The following TGFA variants were observed in gnomAD, a reference collection of about 807,000 sequenced individuals.
The protein encoded by TGFA is transforming growth factor alpha.
In TGFA, 12 loss-of-function variants were observed where a neutral mutation model predicts 21.7. That is an observed-to-expected ratio of 0.55 (90% CI 0.35 to 0.90). The LOEUF is 0.90. TGFA is among the 40% of genes least tolerant of loss of function. The pLI is 0.01. For synonymous variants in TGFA, 79 were observed against 88.1 expected, an observed-to-expected ratio of 0.90 and a Z score of 0.58; for missense variants, 178 against 210.8, an observed-to-expected ratio of 0.84 and a Z score of 0.96.
At chr2:70,464,925 G>A (rs1553491944) in intron 3 of TGFA, among the ~76,000 whole-genome samples, 1 of 152,140 alleles carries the variant, frequency 6.6e-6, no homozygotes, top group African/African-American at 2.4e-5. Flanking sequence ...AGCTTTCTTC[G>A]AGTGAATTTC....
intron 1 of TGFA, among the ~76,000 whole-genome samples, chr2:70,517,073 T>C (rs368790359): frequency 7.2e-5 from 11 of 152,304 alleles, no homozygotes; most frequent in African/African-American, 2.2e-4. Context: ...GGGTGTGCAA[T>C]GGGGGCCTGC....
chr2:70,500,640 TG>T (rs1418128659), intron 2 of TGFA, among the ~76,000 whole-genome samples: 2 of 152,186 alleles, frequency 1.3e-5, no homozygotes, highest in Admixed American at 1.3e-4. Context: ...GAGGAAGAAC[TG>T]CTCAACTCAG....
At chr2:70,503,373 A>G (rs1574109751) in intron 2 of TGFA, among the ~76,000 whole-genome samples, 1 of 143,054 alleles carries the variant, frequency 7.0e-6, no homozygotes, top group Non-Finnish European at 1.5e-5. Context: ...GAATTGAACA[A>G]TGAGAACACA....
intron 3 of TGFA, among the ~76,000 whole-genome samples, chr2:70,463,046 C>G (rs1553491665): frequency 6.6e-6 from 1 of 151,976 alleles, no homozygotes; most frequent in Non-Finnish European, 1.5e-5. Context: ...GGCACAGCAC[C>G]CTCTGGGCAG....
In TGFA at chr2:70,537,325, A is replaced by G. The variant is rs536567860; in HGVS notation, c.40+16403T>C. Among the ~76,000 whole-genome samples, 4 of 151,926 alleles carry G rather than the reference A, an allele frequency of 2.6e-5. No homozygotes were observed. In the South Asian group the frequency reaches 8.3e-4, roughly 32 times the overall value. The stretch of plus-strand genomic sequence containing the variant: ...ATATTAAAACTAGGCCAATCAATAA[A>G]CCTACAATGGCCTCTCAGTTTTGAA... On this transcript the variant is annotated intron_variant, in intron 1 of 5. Transcript: ENST00000295400.
chr2:70,537,704 T>C (rs762349965), intron 1 of TGFA, among the ~76,000 whole-genome samples: 1 of 152,162 alleles, frequency 6.6e-6, no homozygotes, highest in Non-Finnish European at 1.5e-5. Flanking sequence ...CAGAAGAAAG[T>C]TGGAAGCTAG....
At position 70,451,892 on chromosome 2, in the gene TGFA, T is replaced by A; in HGVS notation, c.476-1026A>T. The A allele has an allele frequency of 6.4e-6, 4 of 623,902 alleles. No individual in the cohort carries two copies. The South Asian group carries it at 7.7e-5, about 12-fold the overall frequency. 38.6% of individuals were successfully genotyped at this position (623,902 alleles called of 1,614,324 possible). On this transcript the variant is annotated intron_variant, in intron 5 of 5. Transcript: ENST00000295400. ...CCACATCGCTCATGAGCCATCCTCT[T>A]CCTAAGACCACTGTAAGGCTGAATG... is the stretch of plus-strand genomic sequence containing the variant.
At chr2:70,466,374 A>T (rs1252240309) in intron 2 of TGFA, among the ~76,000 whole-genome samples, 2 of 152,064 alleles carry the variant, frequency 1.3e-5, no homozygotes, top group African/African-American at 4.8e-5. Context: ...GGGCGAGGTG[A>T]CGGGCGACTG....
intron 2 of TGFA, among the ~76,000 whole-genome samples, chr2:70,509,286 C>T (rs782013230): frequency 7.2e-5 from 11 of 152,140 alleles, no homozygotes; most frequent in Non-Finnish European, 1.3e-4. Context: ...TTTTGTTAGG[C>T]GAGATGAGCA....
chr2:70,460,760 G>C (rs1207587576), intron 3 of TGFA, among the ~76,000 whole-genome samples: 1 of 152,176 alleles, frequency 6.6e-6, no homozygotes, highest in Admixed American at 6.5e-5. Context: ...TCCCTTGGCT[G>C]TGGTGATGGT....
rs114708481 is a variant in TGFA, at chr2:70,513,946, G to A, written c.94+913C>T. Among the ~76,000 whole-genome samples the A allele has an allele frequency of 3.6e-3, 544 of 152,274 alleles. 3 individuals are homozygous for A. Among genetic ancestry groups the A allele is most frequent in the African/African-American group, 0.013 (526 of 41,536 alleles). ...GCACCATTCACTCGGAAAGCTATCT[G>A]GCAGTTTGTACCAAGGGTCATAAAT... On this transcript the variant is annotated intron_variant, in intron 2 of 5. Transcript: ENST00000295400.
chr2:70,542,142 C>G (rs978013766), intron 1 of TGFA, among the ~76,000 whole-genome samples: 1 of 152,140 alleles, frequency 6.6e-6, no homozygotes, highest in Non-Finnish European at 1.5e-5. Flanking sequence ...TCTGTCAACC[C>G]CCCCAAAAAA....
At chr2:70,533,411 G>T (rs1672876271) in intron 1 of TGFA, among the ~76,000 whole-genome samples, 1 of 152,028 alleles carries the variant, frequency 6.6e-6, no homozygotes, top group Admixed American at 6.6e-5. Flanking sequence ...GGGTCACAAA[G>T]ATTAGCTGAC....
chr2:70,501,602 T>C (rs782237350), intron 2 of TGFA, among the ~76,000 whole-genome samples: 1 of 152,206 alleles, frequency 6.6e-6, no homozygotes, highest in Non-Finnish European at 1.5e-5. Flanking sequence ...ACTCTCTTTT[T>C]CTTTTTTTGA....
At chr2:70,538,242 T>C (rs1553504745) in intron 1 of TGFA, among the ~76,000 whole-genome samples, 1 of 152,256 alleles carries the variant, frequency 6.6e-6, no homozygotes, top group Non-Finnish European at 1.5e-5. Context: ...CCAAGAGCTC[T>C]GATGGAGCTG....
At chr2:70,495,035 T>C (rs140219675) in intron 2 of TGFA, among the ~76,000 whole-genome samples, 1 of 152,362 alleles carries the variant, frequency 6.6e-6, no homozygotes, top group East Asian at 1.9e-4. Context: ...TATATAAATA[T>C]CCACTTATTT....
chr2:70,480,936 C>A (rs1671098289), intron 2 of TGFA, among the ~76,000 whole-genome samples: 1 of 152,114 alleles, frequency 6.6e-6, no homozygotes. Context: ...TGGTTTAAAT[C>A]CCCTGGGCTA....
At chr2:70,475,741 T>C (rs1174656222) in intron 2 of TGFA, among the ~76,000 whole-genome samples, 2 of 152,250 alleles carry the variant, frequency 1.3e-5, no homozygotes, top group Non-Finnish European at 2.9e-5. Context: ...GGAATCATGT[T>C]AAGTGCAGGC....
At chr2:70,462,126 A>G (rs1337143885) in intron 3 of TGFA, among the ~76,000 whole-genome samples, 2 of 152,174 alleles carry the variant, frequency 1.3e-5, no homozygotes, top group African/African-American at 2.4e-5. Context: ...TGTCAGGCTT[A>G]TTGACCAGGA....
Sources: gnomAD v4.1 joint callset for allele counts (sites outside exome capture counted in the v4.1 genomes callset) on GRCh38, gnomAD v4.1.1 for gene constraint, MANE v1.5 for transcripts, NCBI Gene and HGNC (gene_info 2026-07-23, HGNC 2026-07-21) for gene names.